Variants in CRB1 observed in about 807,000 individuals in gnomAD.
CRB1 encodes protein crumbs homolog 1.
A neutral mutation model predicts 120.0 loss-of-function variants in CRB1; 83 were observed. The observed-to-expected ratio is 0.69, with a 90% CI of 0.58 to 0.83. The LOEUF (loss-of-function observed/expected upper bound fraction) is 0.83. Among genes scored for constraint, CRB1 ranks in the 40% least tolerant of loss-of-function variants. CRB1 has a pLI of 0.00. For missense variants in CRB1, 1,699 were observed against 1,687.6 expected (o/e 1.01, Z -0.12); for synonymous variants, 625 against 612.5 (o/e 1.02, Z -0.30).
chr1:197,215,682 C>A, the CRB1 span, among the ~76,000 whole-genome samples: 1,049 of 150,338 alleles, frequency 7.0e-3, 11 homozygotes, highest in African/African-American at 0.024. Context: ...CCCCTTTTAC[C>A]CAGCACTTCT....
the CRB1 span, among the ~76,000 whole-genome samples, chr1:197,232,288 G>A: frequency 1.3e-5 from 2 of 152,152 alleles, no homozygotes; most frequent in South Asian, 2.1e-4. Flanking sequence ...TGTTGCTTTA[G>A]GCTACTGTGT....
intron 5 of CRB1, among the ~76,000 whole-genome samples, chr1:197,367,906 C>T (rs17618402): frequency 0.012 from 1,846 of 152,246 alleles, 21 homozygotes; most frequent in Middle Eastern, 0.038. Context: ...ATAAACACCC[C>T]GATGAGAGCC....
intron 11 of CRB1, 133 bp from the exon 12 acceptor site, chr1:197,477,531 C>T (rs1269291339): frequency 1.3e-6 from 1 of 766,198 alleles, no homozygotes; most frequent in African/African-American, 1.7e-5. Context: ...TCTTTTAATA[C>T]CTTGGTCTTT....
At chr1:197,419,987 G>GAAA (rs398053681) in intron 5 of CRB1, among the ~76,000 whole-genome samples, 3 of 46,800 alleles carry the variant, frequency 6.4e-5, no homozygotes, top group Non-Finnish European at 1.2e-4. Flanking sequence ...TCTCAAAAAC[G>GAAA]AAAAAAAAAA....
chr1:197,377,945 G>A (rs978343517), intron 5 of CRB1, among the ~76,000 whole-genome samples: 2 of 152,060 alleles, frequency 1.3e-5, no homozygotes, highest in African/African-American at 2.4e-5. Context: ...GTATCCTCCC[G>A]GCACTATCTT....
chr1:197,269,190 G>A (rs888606101), intron 1 of CRB1, among the ~76,000 whole-genome samples: 4 of 152,302 alleles, frequency 2.6e-5, no homozygotes, highest in South Asian at 4.1e-4. Context: ...CGTTTAAAAC[G>A]AAGACAGGGA....
intron 5 of CRB1, among the ~76,000 whole-genome samples, chr1:197,386,069 G>A (rs148208459): frequency 0.014 from 2,089 of 151,936 alleles, 45 homozygotes; most frequent in Non-Finnish European, 0.015. Context: ...ACCGACATGC[G>A]GATGTTAGAA....
intron 11 of CRB1, chr1:197,444,359 G>T (rs1422216462): frequency 1.3e-5 from 2 of 152,104 alleles, no homozygotes; most frequent in African/African-American, 4.8e-5. Context: ...TCACATCCAA[G>T]GCTGAACGTG....
chr1:197,340,118 G>C (rs948446879), intron 2 of CRB1, among the ~76,000 whole-genome samples: 4 of 152,244 alleles, frequency 2.6e-5, no homozygotes, highest in South Asian at 2.1e-4. Context: ...AATATATATA[G>C]ACATTTATAT....
chr1:197,343,088 C>T (rs148680087), intron 2 of CRB1, among the ~76,000 whole-genome samples: 55 of 152,172 alleles, frequency 3.6e-4, no homozygotes, highest in African/African-American at 1.2e-3. Flanking sequence ...AATATGCTAG[C>T]TTCTCTTTTA....
chr1:197,224,033 T>C, the CRB1 span, among the ~76,000 whole-genome samples: 2 of 152,108 alleles, frequency 1.3e-5, no homozygotes, highest in Admixed American at 6.5e-5. Context: ...GAATATTAAG[T>C]GGAAGTGGAT....
the CRB1 span, among the ~76,000 whole-genome samples, chr1:197,204,968 A>T: frequency 1.3e-5 from 2 of 152,050 alleles, no homozygotes; most frequent in African/African-American, 4.8e-5. Context: ...AGAGATGAGG[A>T]TCACCTCCTT....
chr1:197,390,377 C>T (rs998861116), intron 5 of CRB1, among the ~76,000 whole-genome samples: 1 of 152,034 alleles, frequency 6.6e-6, no homozygotes, highest in Non-Finnish European at 1.5e-5. Context: ...CCCATATGCC[C>T]TCGCTTAGTG....
chr1:197,357,321 C>T, intron 5 of CRB1: 1 of 408,056 alleles, frequency 2.5e-6, no homozygotes, highest in South Asian at 2.6e-5. Context: ...AATTTTTATG[C>T]TATCAAATTT....
chr1:197,230,481 C>T, the CRB1 span, among the ~76,000 whole-genome samples: 1 of 151,916 alleles, frequency 6.6e-6, no homozygotes, highest in Non-Finnish European at 1.5e-5. Flanking sequence ...TGGGATTTCA[C>T]CATGTATAGG....
chr1:197,361,614 G>A (rs1028984505), intron 5 of CRB1, among the ~76,000 whole-genome samples: 1 of 151,858 alleles, frequency 6.6e-6, no homozygotes, highest in Admixed American at 6.6e-5. Flanking sequence ...GAACTTCTGA[G>A]CATAATGTTG....
intron 5 of CRB1, among the ~76,000 whole-genome samples, chr1:197,379,020 A>G (rs1661796243): frequency 6.6e-6 from 1 of 152,312 alleles, no homozygotes; most frequent in Admixed American, 6.5e-5. Flanking sequence ...TCAGATAATT[A>G]AAACTGTCTA....
chr1:197,318,460 A>C (rs1418754677), intron 1 of CRB1, among the ~76,000 whole-genome samples: 1 of 152,190 alleles, frequency 6.6e-6, no homozygotes, highest in Admixed American at 6.5e-5. Flanking sequence ...CAAAAAATAA[A>C]AATAGAACTA....
chr1:197,403,198 T>C (rs1407542305), intron 5 of CRB1, among the ~76,000 whole-genome samples: 1 of 152,238 alleles, frequency 6.6e-6, no homozygotes, highest in Non-Finnish European at 1.5e-5. Flanking sequence ...TATGTATAGA[T>C]ACTCAAACAC....
Sources: gnomAD v4.1 joint callset for allele counts (sites outside exome capture counted in the v4.1 genomes callset) on GRCh38, gnomAD v4.1.1 for gene constraint, MANE v1.5 for transcripts, NCBI Gene and HGNC (gene_info 2026-07-23, HGNC 2026-07-21) for gene names.